Variants in MRTFB observed in about 807,000 individuals in gnomAD.
The protein encoded by MRTFB is myocardin related transcription factor B, also known as myocardin-related transcription factor B.
In MRTFB, 29 loss-of-function variants were observed where a neutral mutation model predicts 104.2. The observed-to-expected ratio is 0.28, with a 90% confidence interval of 0.21 to 0.38. The LOEUF (loss-of-function observed/expected upper bound fraction) is 0.38. Among genes scored for constraint, MRTFB ranks in the 10% least tolerant of loss-of-function variants. The pLI is 1.00. For missense variants in MRTFB, 1,270 were observed against 1,341.6 expected (o/e 0.95, Z 0.83); for synonymous variants, 535 against 519.5 (o/e 1.03, Z -0.41).
chr16:14,109,062 C>A (rs559301403), intron 2 of MRTFB, among the ~76,000 whole-genome samples: 11 of 152,242 alleles, frequency 7.2e-5, no homozygotes, highest in African/African-American at 2.4e-4. Flanking sequence ...AGAAATTGAT[C>A]TTTAAAGGAT....
At chr16:14,059,624 G>A in the MRTFB span, among the ~76,000 whole-genome samples, 1 of 152,178 alleles carries the variant, frequency 6.6e-6, no homozygotes, top group South Asian at 2.1e-4. Flanking sequence ...ATCAAACTGA[G>A]TGTCCAAGGA....
chr16:14,090,745 G>C (rs191659837), intron 2 of MRTFB, among the ~76,000 whole-genome samples: 6 of 152,332 alleles, frequency 3.9e-5, no homozygotes, highest in Middle Eastern at 3.4e-3. Flanking sequence ...ACTAGCACCA[G>C]ATATCTCACA....
At chr16:14,252,119 T>A in intron 14 of MRTFB, 96 bp downstream of exon 14, 1 of 1,376,914 alleles carries the variant, frequency 7.3e-7, no homozygotes, top group Non-Finnish European at 9.9e-7. Context: ...CTAATGTTAA[T>A]GGGATAAAAT....
At chr16:14,186,949 T>C in intron 3 of MRTFB, 2 of 1,598,234 alleles carry the variant, frequency 1.3e-6, no homozygotes, top group East Asian at 2.2e-5. Flanking sequence ...CAACAGGGCT[T>C]CCCAGAGATT....
intron 3 of MRTFB, among the ~76,000 whole-genome samples, chr16:14,157,506 G>A (rs572798391): frequency 6.6e-6 from 1 of 152,192 alleles, no homozygotes; most frequent in Non-Finnish European, 1.5e-5. Context: ...TGGTTCACAG[G>A]GCCACCCCTT....
At chr16:14,149,473 T>A (rs2038504908) in intron 3 of MRTFB, 1 of 152,214 alleles carries the variant, frequency 6.6e-6, no homozygotes, top group Non-Finnish European at 1.5e-5. Flanking sequence ...GACAGAAGCC[T>A]TGATCCTGAC....
chr16:14,156,834 A>G (rs946268075), intron 3 of MRTFB, among the ~76,000 whole-genome samples: 9 of 152,120 alleles, frequency 5.9e-5, no homozygotes, highest in African/African-American at 2.2e-4. Context: ...TTTCCTTCTC[A>G]CATGTATATT....
chr16:14,231,881 A>G (rs1009788379), intron 8 of MRTFB, among the ~76,000 whole-genome samples: 1 of 152,186 alleles, frequency 6.6e-6, no homozygotes, highest in African/African-American at 2.4e-5. Flanking sequence ...CAAAATTAGA[A>G]GTTTTGATAT....
rs575519328 is a variant in MRTFB, at chr16:14,174,347, C to T, written c.154+33587C>T. On this transcript the variant is annotated intron_variant, in intron 3 of 16. Coordinates refer to ENST00000571589, the MANE Select transcript of MRTFB (RefSeq NM_001308142.2). ...GTGTGTTGTTTTGTGCATGGTCATA[C>T]TGTTACAGCTTCATTTTGATTATAT... Among the ~76,000 whole-genome samples the T allele has an allele frequency of 5.9e-5, 9 of 152,206 alleles. No homozygotes were observed. The South Asian group carries it at 1.9e-3, about 32-fold the overall frequency.
intron 10 of MRTFB, among the ~76,000 whole-genome samples, chr16:14,244,456 C>T (rs763393128): frequency 2.0e-5 from 3 of 152,176 alleles, no homozygotes; most frequent in South Asian, 4.2e-4. Flanking sequence ...TTTAGTACTA[C>T]GAAAGAAAAG....
At chr16:14,034,562 G>A in the MRTFB span, among the ~76,000 whole-genome samples, 1 of 150,278 alleles carries the variant, frequency 6.7e-6, no homozygotes, top group Non-Finnish European at 1.5e-5. Context: ...TGCAGTGAGT[G>A]GAGATCGTGC....
chr16:14,017,667 T>TTGTGTGTGTGTG, the MRTFB span, among the ~76,000 whole-genome samples: 2 of 49,308 alleles, frequency 4.1e-5, no homozygotes, highest in African/African-American at 7.7e-5. Flanking sequence ...GTGTGTGTAT[T>TTGTGTGTGTGTG]TGTGTGTGTG....
At chr16:14,039,905 C>T in the MRTFB span, among the ~76,000 whole-genome samples, 175 of 152,004 alleles carry the variant, frequency 1.2e-3, 1 homozygote, top group Admixed American at 8.5e-4. Context: ...TGCACCACCA[C>T]GCCTGTCTAA....
chr16:14,247,665 A>AAT (rs1343793982), intron 12 of MRTFB, 158 bp downstream of exon 12: 1 of 653,386 alleles, frequency 1.5e-6, no homozygotes, highest in Non-Finnish European at 2.6e-6. Context: ...CAGAAATCTG[A>AAT]ATATCTAGCA....
the MRTFB span, among the ~76,000 whole-genome samples, chr16:13,999,138 T>G: frequency 6.8e-6 from 1 of 148,146 alleles, no homozygotes; most frequent in South Asian, 2.1e-4. Flanking sequence ...TGCAGTGAGC[T>G]GAGATCTCGT....
rs1296665447 is a variant in MRTFB, at chr16:14,261,461, T to C, written c.*17T>C. On this transcript the variant is annotated 3_prime_UTR_variant, in exon 17 of 17. Transcript: ENST00000571589. The stretch of plus-strand genomic sequence containing the variant: ...TGGGACTAACGTCACAGATTTCTTT[T>C]CTGAGAGTTGATGAGGTTTAAGAAC... The C allele has an allele frequency of 1.3e-6, 2 of 1,567,776 alleles. No homozygotes were observed. The highest frequency in any genetic ancestry group is 2.4e-5 in the South Asian group (2 of 84,142).
the MRTFB span, among the ~76,000 whole-genome samples, chr16:14,044,764 C>T: frequency 1.3e-5 from 2 of 152,204 alleles, no homozygotes; most frequent in Non-Finnish European, 2.9e-5. Context: ...TTTCCTTCCC[C>T]TCCTCTGTCT....
At chr16:14,063,567 C>T in the MRTFB span, among the ~76,000 whole-genome samples, 9 of 152,146 alleles carry the variant, frequency 5.9e-5, no homozygotes, top group Admixed American at 5.9e-4. Context: ...CACATCTGCT[C>T]AATGTTTAGC....
chr16:14,078,697 G>A (rs1184928097), intron 1 of MRTFB, among the ~76,000 whole-genome samples: 1 of 151,652 alleles, frequency 6.6e-6, no homozygotes, highest in African/African-American at 2.4e-5. Flanking sequence ...CACCAAGCCC[G>A]GGAATTACTG....
Sources: allele counts gnomAD v4.1 joint callset (sites outside exome capture counted in the v4.1 genomes callset), GRCh38; gene constraint gnomAD v4.1.1; transcripts MANE v1.5; gene names NCBI Gene and HGNC (gene_info 2026-07-23, HGNC 2026-07-21).